The following SEMA5A variants were observed in gnomAD, a reference collection of about 807,000 sequenced individuals.
The protein encoded by SEMA5A is semaphorin 5A.
Under a neutral mutation model 135.5 loss-of-function variants are expected in SEMA5A, and 55 were observed. That is an observed-to-expected ratio of 0.41 (90% CI 0.33 to 0.51). The LOEUF (loss-of-function observed/expected upper bound fraction) is 0.51. Among genes scored for constraint, SEMA5A ranks in the 20% least tolerant of loss-of-function variants. The pLI is 0.37. For missense variants in SEMA5A, 1,290 were observed against 1,419.9 expected (o/e 0.91, Z 1.47); for synonymous variants, 580 against 546.5 (o/e 1.06, Z -0.85).
At chr5:9,091,907 C>A (rs908295689) in intron 16 of SEMA5A, among the ~76,000 whole-genome samples, 1 of 152,158 alleles carries the variant, frequency 6.6e-6, no homozygotes, top group Non-Finnish European at 1.5e-5. Flanking sequence ...CCAAGAAAAC[C>A]CAAATGATGG....
intron 13 of SEMA5A, among the ~76,000 whole-genome samples, chr5:9,129,804 T>C (rs1326515910): frequency 6.6e-6 from 1 of 152,198 alleles, no homozygotes; most frequent in Non-Finnish European, 1.5e-5. Context: ...TATTAACTCC[T>C]TGAATCTTCA....
chr5:9,298,445 G>T (rs1339852346), intron 5 of SEMA5A, among the ~76,000 whole-genome samples: 1 of 152,202 alleles, frequency 6.6e-6, no homozygotes, highest in African/African-American at 2.4e-5. Flanking sequence ...ATCCATTTCT[G>T]TTGTGTTAAG....
In SEMA5A at chr5:9,035,763, C is replaced by G. The variant is rs1338938666; in HGVS notation, c.*7134G>C. 6.6e-6 allele frequency: 1 copy of G among 151,832 alleles called. No homozygotes were observed. Among genetic ancestry groups the G allele is most frequent in the East Asian group, 1.9e-4 (1 of 5,164 alleles). 9.4% of individuals were successfully genotyped at this position (151,832 alleles called of 1,614,324 possible). ...TGTCCATGGCCCCCTTACAAAGGAC[C>G]CAGCAATCTACAAGTGTTCTAGCAT... On this transcript the variant is annotated 3_prime_UTR_variant, in exon 23 of 23. Coordinates refer to ENST00000382496, the MANE Select transcript of SEMA5A (RefSeq NM_003966.3).
At chr5:9,490,110 T>C (rs2126797859) in intron 1 of SEMA5A, among the ~76,000 whole-genome samples, 1 of 152,270 alleles carries the variant, frequency 6.6e-6, no homozygotes, top group East Asian at 1.9e-4. Context: ...ACATAAAATG[T>C]CTGAGCAAAT....
chr5:9,081,677 T>C (rs1412233657), intron 16 of SEMA5A, among the ~76,000 whole-genome samples: 1 of 152,180 alleles, frequency 6.6e-6, no homozygotes, highest in Non-Finnish European at 1.5e-5. Context: ...GTGGTTACAA[T>C]TCATGTTATT....
chr5:9,459,887 A>G (rs1354293077), intron 1 of SEMA5A, among the ~76,000 whole-genome samples: 1 of 152,228 alleles, frequency 6.6e-6, no homozygotes, highest in Non-Finnish European at 1.5e-5. Context: ...TGATTTTATT[A>G]AGCTTCTTTT....
intron 5 of SEMA5A, among the ~76,000 whole-genome samples, chr5:9,249,575 C>G (rs1318579842): frequency 6.6e-6 from 1 of 151,920 alleles, no homozygotes; most frequent in Non-Finnish European, 1.5e-5. Flanking sequence ...TTACAAGGGC[C>G]CAGCTGAGAA....
chr5:9,494,844 A>G (rs1433043400), intron 1 of SEMA5A, among the ~76,000 whole-genome samples: 1 of 152,210 alleles, frequency 6.6e-6, no homozygotes, highest in Non-Finnish European at 1.5e-5. Context: ...AGACTAGCAT[A>G]TATCAGTGGC....
At chr5:9,432,542 TA>T (rs1258772688) in intron 2 of SEMA5A, among the ~76,000 whole-genome samples, 1 of 152,164 alleles carries the variant, frequency 6.6e-6, no homozygotes, top group African/African-American at 2.4e-5. Context: ...TTCCTTATTT[TA>T]TAGCCAAGAA....
intron 21 of SEMA5A, among the ~76,000 whole-genome samples, 153 bp downstream of exon 21, chr5:9,050,257 C>G (rs565964083): frequency 6.6e-6 from 1 of 152,296 alleles, no homozygotes; most frequent in East Asian, 1.9e-4. Context: ...ACTATTAAGC[C>G]TTTATGCCAA....
chr5:9,387,844 A>G (rs561228575), intron 2 of SEMA5A, among the ~76,000 whole-genome samples: 35 of 152,262 alleles, frequency 2.3e-4, no homozygotes, highest in Non-Finnish European at 2.2e-4. Flanking sequence ...TATTACATTG[A>G]GCCCATAAGG....
chr5:9,210,413 C>T lies in SEMA5A; in HGVS notation c.647-8173G>A, dbSNP rs1806053. 3.8e-3 allele frequency among the ~76,000 whole-genome samples: 577 copies of T among 152,306 alleles called. 12 individuals carry two copies. Among genetic ancestry groups the T allele is most frequent in the Admixed American group, 0.036 (551 of 15,304 alleles). The stretch of plus-strand genomic sequence containing the variant: ...TAAAGGTCTGCATTAAATTACCACA[C>T]AGGCTTTTCTACTTTGGGTTTAACA... On this transcript the variant is annotated intron_variant, in intron 8 of 22. Coordinates refer to ENST00000382496, the MANE Select transcript of SEMA5A (RefSeq NM_003966.3).
intron 14 of SEMA5A, among the ~76,000 whole-genome samples, chr5:9,121,347 C>A (rs557468725): frequency 1.3e-5 from 2 of 152,226 alleles, no homozygotes; most frequent in Non-Finnish European, 2.9e-5. Context: ...TAGTACAAAG[C>A]AATCCACTTA....
intron 1 of SEMA5A, among the ~76,000 whole-genome samples, chr5:9,483,914 T>C (rs1220035813): frequency 2.0e-5 from 3 of 152,218 alleles, no homozygotes; most frequent in Non-Finnish European, 2.9e-5. Flanking sequence ...TGATTCCTTC[T>C]TTCTGCCTGA....
chr5:9,440,725 G>C (rs966948638), intron 1 of SEMA5A, among the ~76,000 whole-genome samples: 3 of 152,226 alleles, frequency 2.0e-5, no homozygotes, highest in Non-Finnish European at 4.4e-5. Flanking sequence ...ATGACTTTCT[G>C]CTAAAATATG....
chr5:9,455,083 C>T (rs1398011467), intron 1 of SEMA5A, among the ~76,000 whole-genome samples: 1 of 152,038 alleles, frequency 6.6e-6, no homozygotes, highest in Non-Finnish European at 1.5e-5. Flanking sequence ...TCAAGAGTTA[C>T]AAATAGGATT....
At chr5:9,279,200 C>A (rs1750419071) in intron 5 of SEMA5A, among the ~76,000 whole-genome samples, 1 of 152,162 alleles carries the variant, frequency 6.6e-6, no homozygotes, top group South Asian at 2.1e-4. Flanking sequence ...GGCCTGGATG[C>A]AAGACATAGA....
intron 4 of SEMA5A, among the ~76,000 whole-genome samples, chr5:9,321,189 A>C (rs538678544): frequency 1.4e-4 from 21 of 152,136 alleles, no homozygotes; most frequent in Non-Finnish European, 2.8e-4. Flanking sequence ...CTTCCCCTTC[A>C]CCTTCCACCA....
At chr5:9,342,382 A>G (rs951059574) in intron 3 of SEMA5A, among the ~76,000 whole-genome samples, 1 of 152,196 alleles carries the variant, frequency 6.6e-6, no homozygotes, top group Non-Finnish European at 1.5e-5. Flanking sequence ...TCCCAGGCAC[A>G]CTAAGGGCTG....
Sources: gnomAD v4.1 joint callset for allele counts (sites outside exome capture counted in the v4.1 genomes callset) on GRCh38, gnomAD v4.1.1 for gene constraint, MANE v1.5 for transcripts, NCBI Gene and HGNC (gene_info 2026-07-23, HGNC 2026-07-21) for gene names.